Variants in NCK2 observed in about 807,000 individuals in gnomAD.
NCK2 encodes the protein NCK adaptor protein 2, also known as cytoplasmic protein NCK2.
Under a neutral mutation model 33.9 loss-of-function variants are expected in NCK2, and 16 were observed. That is an observed-to-expected ratio of 0.47 (90% confidence interval 0.32 to 0.72). NCK2 has a LOEUF of 0.72. NCK2 is among the 30% of genes least tolerant of loss of function. The pLI, the probability that NCK2 is intolerant of heterozygous loss-of-function variation, is 0.03. For synonymous variants in NCK2, 273 were observed against 239.9 expected, an observed-to-expected ratio of 1.14 and a Z score of -1.27; for missense variants, 418 against 537.3, an observed-to-expected ratio of 0.78 and a Z score of 2.19.
At chr2:105,878,875 A>C (rs577554082) in intron 3 of NCK2, among the ~76,000 whole-genome samples, 1 of 152,216 alleles carries the variant, frequency 6.6e-6, no homozygotes, top group African/African-American at 2.4e-5. Context: ...TATAAGCTCT[A>C]TGCAGGCAGA....
chr2:105,833,679 CTT>C (rs773257144), intron 2 of NCK2, among the ~76,000 whole-genome samples: 7 of 151,432 alleles, frequency 4.6e-5, no homozygotes, highest in African/African-American at 9.7e-5. Flanking sequence ...TTTTTGGCCT[CTT>C]TTGTTCAGTT....
At chr2:105,813,039 C>T (rs1402357167) in intron 1 of NCK2, among the ~76,000 whole-genome samples, 1 of 152,186 alleles carries the variant, frequency 6.6e-6, no homozygotes, top group African/African-American at 2.4e-5. Context: ...CTAGCCCTTT[C>T]GTGGTGATCT....
In NCK2 at chr2:105,893,365, C is replaced by G; in HGVS notation, c.*189C>G. ...CCTCACACCCACACTCGAGCCCACC[C>G]GGCCGGCCAGCTTTAGAGGAGGGGA... On this transcript the variant is annotated 3_prime_UTR_variant, in exon 5 of 5. Transcript: ENST00000233154. The G allele has an allele frequency of 1.8e-6, 1 of 567,642 alleles. No individual in the cohort carries two copies. Among genetic ancestry groups the G allele is most frequent in the Non-Finnish European group, 3.1e-6 (1 of 323,018 alleles). The allele number at this position is 567,642 out of a possible 1,614,324, so 35.2% of individuals were successfully genotyped here.
Position 105,888,234 on chromosome 2 carries a change from T to G in NCK2, c.949-4748T>G, listed in dbSNP as rs1212766958. Among the ~76,000 whole-genome samples, 5 of 152,194 alleles carry G rather than the reference T, an allele frequency of 3.3e-5. No individual in the cohort carries two copies. In the East Asian group the frequency reaches 9.6e-4, roughly 29 times the overall value. Reference sequence around the variant, plus strand: ...TGAATGGGTTGTACTAATTGTTCATTCTCCAGAACCATTGATTCAAAAACT... The same window carrying G: ...TGAATGGGTTGTACTAATTGTTCATGCTCCAGAACCATTGATTCAAAAACT... On this transcript the variant is annotated intron_variant, in intron 4 of 4. Coordinates refer to ENST00000233154, the MANE Select transcript of NCK2 (RefSeq NM_003581.5).
At chr2:105,793,944 C>T (rs1558839945) in intron 1 of NCK2, among the ~76,000 whole-genome samples, 1 of 151,702 alleles carries the variant, frequency 6.6e-6, no homozygotes, top group East Asian at 1.9e-4. Flanking sequence ...TGGATAAAAG[C>T]TTTTTTTCTT....
At chr2:105,790,262 G>C (rs568030820) in intron 1 of NCK2, among the ~76,000 whole-genome samples, 5 of 152,232 alleles carry the variant, frequency 3.3e-5, no homozygotes, top group Non-Finnish European at 7.3e-5. Flanking sequence ...TGACAGACTC[G>C]TTTCTTGGCT....
intron 4 of NCK2, among the ~76,000 whole-genome samples, chr2:105,884,350 T>C (rs1450733896): frequency 6.6e-6 from 1 of 152,080 alleles, no homozygotes; most frequent in Non-Finnish European, 1.5e-5. Flanking sequence ...AGCCCTTAGG[T>C]TCATGATCTG....
intron 1 of NCK2, among the ~76,000 whole-genome samples, chr2:105,765,770 A>G (rs1017798401): frequency 1.3e-5 from 2 of 150,766 alleles, no homozygotes; most frequent in Non-Finnish European, 2.9e-5. Context: ...TCCCACAGAT[A>G]CAGCTTAGAA....
chr2:105,755,278 T>A (rs556830026), intron 1 of NCK2, among the ~76,000 whole-genome samples: 1 of 152,302 alleles, frequency 6.6e-6, no homozygotes, highest in Admixed American at 6.5e-5. Flanking sequence ...ATCATCTTTT[T>A]TAAAAAAGGA....
intron 1 of NCK2, among the ~76,000 whole-genome samples, chr2:105,747,029 T>A (rs1689309949): frequency 1.3e-5 from 2 of 152,218 alleles, no homozygotes; most frequent in Admixed American, 1.3e-4. Flanking sequence ...AGTTGGCTGC[T>A]GCATAACCCC....
chr2:105,767,275 CGT>C (rs1244694670), intron 1 of NCK2, among the ~76,000 whole-genome samples: 1 of 152,198 alleles, frequency 6.6e-6, no homozygotes, highest in East Asian at 1.9e-4. Flanking sequence ...TAATACTGCT[CGT>C]GACGTGGCCT....
rs1377848617 is a variant in NCK2, at chr2:105,838,309, TG to T, written c.-16-16738del. Among the ~76,000 whole-genome samples, 817 of 133,718 alleles carry T rather than the reference TG, an allele frequency of 6.1e-3. 4 individuals carry two copies. Among genetic ancestry groups the T allele is most frequent in the African/African-American group, 0.013 (397 of 31,184 alleles). 87.7% of individuals were successfully genotyped at this position (133,718 alleles called of 152,430 possible). A position where few individuals can be genotyped will look rare whatever the true frequency, so the allele number is the denominator to read the frequency against. ...TTTAAATGCTGGAATTTTATTAAAA[TG>T]TTTTTTTTTTTTTGGCCAGGTAACT... On this transcript the variant is annotated intron_variant, in intron 2 of 4. Coordinates refer to ENST00000233154, the MANE Select transcript of NCK2 (RefSeq NM_003581.5).
At chr2:105,824,921 G>A (rs1416905554) in intron 2 of NCK2, among the ~76,000 whole-genome samples, 1 of 152,168 alleles carries the variant, frequency 6.6e-6, no homozygotes, top group Non-Finnish European at 1.5e-5. Flanking sequence ...GTAAGATCAG[G>A]AGCCCATCTC....
At chr2:105,769,238 C>T (rs919558949) in intron 1 of NCK2, among the ~76,000 whole-genome samples, 1 of 151,896 alleles carries the variant, frequency 6.6e-6, no homozygotes, top group Admixed American at 6.6e-5. Context: ...TTTTTATTAT[C>T]CACCTGGGCA....
chr2:105,844,242 G>A (rs1170860491), intron 2 of NCK2, among the ~76,000 whole-genome samples: 3 of 152,162 alleles, frequency 2.0e-5, no homozygotes, highest in Non-Finnish European at 2.9e-5. Flanking sequence ...CTAAGCAGAC[G>A]TGACAACTAA....
At chr2:105,772,971 T>C (rs1395410645) in intron 1 of NCK2, among the ~76,000 whole-genome samples, 2 of 151,178 alleles carry the variant, frequency 1.3e-5, no homozygotes, top group African/African-American at 4.9e-5. Context: ...GGCTCACTGA[T>C]GCCTTGAACT....
chr2:105,810,312 G>T (rs58195928), intron 1 of NCK2, among the ~76,000 whole-genome samples: 36,800 of 151,898 alleles, frequency 0.24, 6,609 homozygotes, highest in African/African-American at 0.5. Flanking sequence ...AAACAAAAGT[G>T]TGTGTGTGTG....
At chr2:105,757,529 A>G (rs1349799640) in intron 1 of NCK2, among the ~76,000 whole-genome samples, 1 of 152,176 alleles carries the variant, frequency 6.6e-6, no homozygotes, top group Non-Finnish European at 1.5e-5. Context: ...TCTCCTGGCT[A>G]TGTTTTCACT....
At chr2:105,889,482 G>C (rs150954352) in intron 4 of NCK2, among the ~76,000 whole-genome samples, 1 of 152,100 alleles carries the variant, frequency 6.6e-6, no homozygotes, top group Admixed American at 6.5e-5. Flanking sequence ...TAAAACACAC[G>C]GTGCTGGAGG....
Sources: gnomAD v4.1 joint callset for allele counts (sites outside exome capture counted in the v4.1 genomes callset) on GRCh38, gnomAD v4.1.1 for gene constraint, MANE v1.5 for transcripts, NCBI Gene and HGNC (gene_info 2026-07-23, HGNC 2026-07-21) for gene names.